The following DDX10 variants were observed in gnomAD, a reference collection of about 807,000 sequenced individuals.
The protein encoded by DDX10 is probable ATP-dependent RNA helicase DDX10.
In DDX10, 74 loss-of-function variants were observed where a neutral mutation model predicts 104.3. The observed-to-expected ratio is 0.71, with a 90% CI of 0.59 to 0.86. The LOEUF is 0.86. Among genes scored for constraint, DDX10 ranks in the 40% least tolerant of loss-of-function variants. DDX10 has a pLI of 0.00. For synonymous variants in DDX10, 351 were observed against 353.4 expected (o/e 0.99, Z 0.08); for missense variants, 952 against 1,040.0 (o/e 0.92, Z 1.16).
intron 16 of DDX10, among the ~76,000 whole-genome samples, chr11:108,882,942 T>C (rs1863246594): frequency 6.6e-6 from 1 of 152,234 alleles, no homozygotes; most frequent in Admixed American, 6.5e-5. Flanking sequence ...AGTTCTGTTA[T>C]TCAATAATGT....
chr11:108,679,484 A>T lies in DDX10; in HGVS notation c.772A>T (p.Lys258Ter), dbSNP rs749054158. The T allele has an allele frequency of 6.2e-6, 10 of 1,613,806 alleles. No individual in the cohort carries two copies. The highest frequency in any genetic ancestry group is 1.3e-5 in the African/African-American group (1 of 74,916). Residue 258 changes from lysine (K) to a stop codon, truncating the protein, a stop_gained, in exon 6 of 18, where the codon AAA becomes TAA. Coordinates refer to ENST00000322536, the MANE Select transcript of DDX10 (RefSeq NM_004398.4). LOFTEE classifies it high-confidence loss of function. ...QTLLFSATQT[K>*]SVKDLARLSL... ...TTTACTTTTCTCAGCAACACAAACT[A>T]AATCTGTAAAGGACCTTGCACGCTT...
intron 13 of DDX10, chr11:108,822,517 A>G (rs1824665): frequency 0.52 from 119,270 of 231,474 alleles, 34,429 homozygotes; most frequent in Non-Finnish European, 0.62. Context: ...AGAGTATCCA[A>G]CGGCCTCACC....
At chr11:108,755,916 G>A (rs1217407079) in intron 13 of DDX10, among the ~76,000 whole-genome samples, 1 of 151,868 alleles carries the variant, frequency 6.6e-6, no homozygotes, top group Non-Finnish European at 1.5e-5. Flanking sequence ...AATATTAGGT[G>A]TTATAACTTG....
Position 108,692,075 on chromosome 11 carries a change from T to C in DDX10, c.1138+37T>C, listed in dbSNP as rs151120404. On this transcript the variant is annotated intron_variant, in intron 8 of 17. Transcript: ENST00000322536. ...TCCTATCATGAAATTTCTGTGATTG[T>C]GTGAAATGTAATTTGCTTATAAAGT... 5.0e-5 allele frequency: 77 copies of C among 1,551,074 alleles called. 1 individual carries two copies. In the East Asian group the frequency reaches 1.5e-3, roughly 30 times the overall value.
chr11:108,806,652 A>G (rs1862104751), intron 13 of DDX10, among the ~76,000 whole-genome samples: 1 of 152,148 alleles, frequency 6.6e-6, no homozygotes, highest in Non-Finnish European at 1.5e-5. Flanking sequence ...GGTGGGGAGG[A>G]TCCTTTAAAT....
intron 6 of DDX10, among the ~76,000 whole-genome samples, chr11:108,682,877 AG>A (rs2094237517): frequency 6.6e-6 from 1 of 151,814 alleles, no homozygotes. Flanking sequence ...CTATCTTGGC[AG>A]TTTTTTTTTC....
At chr11:108,894,273 T>C (rs1341543203) in intron 16 of DDX10, among the ~76,000 whole-genome samples, 1 of 152,060 alleles carries the variant, frequency 6.6e-6, no homozygotes, top group Non-Finnish European at 1.5e-5. Context: ...GCAATTGAAA[T>C]ACCTTTATGC....
At chr11:108,673,698 C>T (rs2094220122) in intron 2 of DDX10, among the ~76,000 whole-genome samples, 171 bp downstream of exon 2, 1 of 152,192 alleles carries the variant, frequency 6.6e-6, no homozygotes, top group African/African-American at 2.4e-5. Context: ...TATTCTCATT[C>T]TTTCTGGACT....
intron 13 of DDX10, among the ~76,000 whole-genome samples, chr11:108,757,161 C>G (rs2094345437): frequency 1.3e-5 from 2 of 152,004 alleles, no homozygotes; most frequent in African/African-American, 2.4e-5. Flanking sequence ...CAAACCAAAT[C>G]ATCAACCTGT....
At chr11:108,724,385 G>A (rs755272278) in intron 13 of DDX10, among the ~76,000 whole-genome samples, 2 of 151,856 alleles carry the variant, frequency 1.3e-5, no homozygotes, top group Non-Finnish European at 2.9e-5. Context: ...AATAAAGGTC[G>A]TTACTACTAT....
At chr11:108,715,848 T>C in intron 10 of DDX10, 31 bp from the exon 11 acceptor site, 1 of 1,172,466 alleles carries the variant, frequency 8.5e-7, no homozygotes, top group East Asian at 2.4e-5. Flanking sequence ...TTGAGATATC[T>C]TATTTTAACC....
At chr11:108,860,089 CT>C (rs1565301283) in intron 16 of DDX10, among the ~76,000 whole-genome samples, 2 of 152,040 alleles carry the variant, frequency 1.3e-5, no homozygotes, top group Non-Finnish European at 2.9e-5. Context: ...AGAGGCAGGG[CT>C]AGAGAACTAT....
At chr11:108,789,424 A>G (rs144848950) in intron 13 of DDX10, among the ~76,000 whole-genome samples, 12 of 152,366 alleles carry the variant, frequency 7.9e-5, no homozygotes, top group African/African-American at 2.6e-4. Flanking sequence ...AGATTATTGT[A>G]TATACTCTGC....
At chr11:108,850,287 T>C (rs1414142171) in intron 15 of DDX10, among the ~76,000 whole-genome samples, 3 of 152,168 alleles carry the variant, frequency 2.0e-5, no homozygotes, top group Admixed American at 1.3e-4. Context: ...TTAAAATATC[T>C]TTTAATGACT....
At chr11:108,926,728 G>T (rs1231281792) in intron 17 of DDX10, among the ~76,000 whole-genome samples, 1 of 152,138 alleles carries the variant, frequency 6.6e-6, no homozygotes, top group Admixed American at 6.5e-5. Flanking sequence ...TCTTCATTAG[G>T]ACTGTTGCAT....
chr11:108,835,450 G>A (rs1262237452), intron 13 of DDX10, among the ~76,000 whole-genome samples: 1 of 152,226 alleles, frequency 6.6e-6, no homozygotes, highest in African/African-American at 2.4e-5. Flanking sequence ...GTCTTGTGAT[G>A]TGTATATAGT....
At chr11:108,767,586 CA>C (rs2094357796) in intron 13 of DDX10, among the ~76,000 whole-genome samples, 1 of 152,196 alleles carries the variant, frequency 6.6e-6, no homozygotes, top group Non-Finnish European at 1.5e-5. Context: ...CTGCAAATTT[CA>C]AACTTTTTAG....
intron 1 of DDX10, among the ~76,000 whole-genome samples, chr11:108,666,405 G>A (rs192332894): frequency 1.1e-4 from 16 of 152,124 alleles, no homozygotes; most frequent in African/African-American, 2.2e-4. Flanking sequence ...GCTTGAACCC[G>A]GGAGGCAGAG....
At chr11:108,743,311 T>A (rs918127847) in intron 13 of DDX10, among the ~76,000 whole-genome samples, 1 of 152,094 alleles carries the variant, frequency 6.6e-6, no homozygotes, top group African/African-American at 2.4e-5. Flanking sequence ...CAGAAAAGGC[T>A]TTCAGTAAAA....
Sources: gnomAD v4.1 joint callset for allele counts (sites outside exome capture counted in the v4.1 genomes callset) on GRCh38, gnomAD v4.1.1 for gene constraint, MANE v1.5 for transcripts, NCBI Gene and HGNC (gene_info 2026-07-23, HGNC 2026-07-21) for gene names.